Variants in ERLEC1 observed in about 807,000 individuals in gnomAD.
ERLEC1 encodes the protein ER lectin.
ERLEC1 carries 47 observed loss-of-function variants against 68.0 expected under a neutral mutation model. The ratio of observed to expected loss-of-function variants is 0.69; its 90% CI spans 0.55 to 0.88. ERLEC1 has a LOEUF of 0.88. Among genes scored for constraint, ERLEC1 ranks in the 40% least tolerant of loss-of-function variants. The pLI is 0.00. For synonymous variants in ERLEC1, 225 were observed against 203.2 expected, an observed-to-expected ratio of 1.11 and a Z score of -0.91; for missense variants, 567 against 583.8, an observed-to-expected ratio of 0.97 and a Z score of 0.30.
chr2:53,801,581 T>A lies in ERLEC1; in HGVS notation c.710T>A (p.Val237Asp). The A allele has an allele frequency of 6.2e-7, 1 of 1,614,102 alleles. No individual in the cohort carries two copies. The highest frequency in any genetic ancestry group is 8.5e-7 in the Non-Finnish European group (1 of 1,179,970). ...GTTACAACTTGTGAATATGAAGTTGTCATTTTGACACCACTCTTGTGCAGT... is the reference window on the plus strand; with the variant it reads ...GTTACAACTTGTGAATATGAAGTTGACATTTTGACACCACTCTTGTGCAGT... ...AEVTTCEYEV[V>D]ILTPLLCSHP... Residue 237 changes from valine to aspartate, a missense_variant, in exon 7 of 14, where the codon GTC becomes GAC. Val to Asp is a radical substitution (Grantham distance 152). Transcript: ENST00000185150.
chr2:53,813,009 G>A lies in ERLEC1; in HGVS notation c.1162G>A (p.Glu388Lys). The A allele has an allele frequency of 6.2e-7, 1 of 1,613,874 alleles. No individual in the cohort carries two copies. The highest frequency in any genetic ancestry group is 8.5e-7 in the Non-Finnish European group (1 of 1,179,954). The stretch of plus-strand genomic sequence containing the variant: ...GACATGGAACCAAGAAGAGCATATT[G>A]AATGGGCTAAGAAGAATACTGCTAG... Reference protein sequence around the residue: ...VGTWNQEEHIEWAKKNTARAY... With the variant: ...VGTWNQEEHIKWAKKNTARAY... The change falls in exon 11 of 14, where the codon GAA becomes AAA. Residue 388 changes from glutamate to lysine, a missense_variant. By Grantham distance (56) the Glu-to-Lys change is moderately conservative (BLOSUM62 1). Transcript: ENST00000185150.
chr2:53,790,434 G>T (rs1488242819), intron 1 of ERLEC1, among the ~76,000 whole-genome samples: 1 of 152,102 alleles, frequency 6.6e-6, no homozygotes, highest in Non-Finnish European at 1.5e-5. Flanking sequence ...ATATGCAGCT[G>T]TATGAAATAG....
rs1477016340 is a variant in ERLEC1, at chr2:53,806,077, G to A, written c.880-2222G>A. 5.9e-5 allele frequency among the ~76,000 whole-genome samples: 9 copies of A among 152,232 alleles called. No individual in the cohort carries two copies. The East Asian group carries it at 1.7e-3, about 29-fold the overall frequency. Reference sequence around the variant, plus strand: ...ATTTAGCATATGGTTTGCCTCTTTAGTGTGGGTCAGCCTTTCCCATACAGA... The same window carrying A: ...ATTTAGCATATGGTTTGCCTCTTTAATGTGGGTCAGCCTTTCCCATACAGA... On this transcript the variant is annotated intron_variant, in intron 8 of 13. Transcript: ENST00000185150.
chr2:53,808,583 C>G, intron 9 of ERLEC1, 123 bp downstream of exon 9: 1 of 910,368 alleles, frequency 1.1e-6, no homozygotes, highest in Non-Finnish European at 1.7e-6. Flanking sequence ...CCTTTCATCC[C>G]CAAAGAACAT....
chr2:53,811,688 C>CT (rs1676599287), intron 10 of ERLEC1, among the ~76,000 whole-genome samples: 1 of 152,134 alleles, frequency 6.6e-6, no homozygotes, highest in Admixed American at 6.6e-5. Context: ...GGTTCAATAA[C>CT]TTGCCTAAAG....
intron 13 of ERLEC1, among the ~76,000 whole-genome samples, chr2:53,815,606 T>G (rs972000608): frequency 6.6e-6 from 1 of 152,170 alleles, no homozygotes; most frequent in South Asian, 2.1e-4. Flanking sequence ...ATTTCTGATT[T>G]ATGACATTGT....
Position 53,801,759 on chromosome 2 carries a change from G to T in ERLEC1, c.796G>T (p.Gly266Ter). Reference sequence around the variant, plus strand: ...TGACATATTTTGTCAATCACTGCCAGGATCTCCATTTAAGCCCCTCACCCT... The same window carrying T: ...TGACATATTTTGTCAATCACTGCCATGATCTCCATTTAAGCCCCTCACCCT... Reference protein sequence around the residue: ...VNDIFCQSLPGSPFKPLTLRQ... With the variant: ...VNDIFCQSLP The change falls in exon 8 of 14, where the codon GGA (glycine) becomes TGA (stop). Residue 266 changes from glycine (G) to a stop codon, truncating the protein, a stop_gained. Transcript: ENST00000185150. LOFTEE classifies it high-confidence loss of function. 6.2e-7 allele frequency: 1 copy of T among 1,614,060 alleles called. No individual in the cohort carries two copies. The highest frequency in any genetic ancestry group is 8.5e-7 in the Non-Finnish European group (1 of 1,179,942).
At chr2:53,799,870 A>C (rs755511276) in intron 6 of ERLEC1, among the ~76,000 whole-genome samples, 5 of 152,178 alleles carry the variant, frequency 3.3e-5, no homozygotes, top group Non-Finnish European at 7.4e-5. Context: ...TTTTAATTTT[A>C]TAGACTACCT....
chr2:53,795,262 G>GT (rs1224321038), intron 2 of ERLEC1, among the ~76,000 whole-genome samples: 3 of 152,182 alleles, frequency 2.0e-5, no homozygotes, highest in African/African-American at 7.2e-5. Flanking sequence ...GGAGGCTGAG[G>GT]TATAGGCTAT....
At chr2:53,816,542 T>G (rs1215940125) in intron 13 of ERLEC1, among the ~76,000 whole-genome samples, 2 of 152,154 alleles carry the variant, frequency 1.3e-5, no homozygotes, top group Non-Finnish European at 2.9e-5. Context: ...TTGCTGGGAT[T>G]ATAGGTGTGA....
intron 5 of ERLEC1, 80 bp downstream of exon 5, chr2:53,797,875 T>TC: frequency 7.8e-7 from 1 of 1,281,802 alleles, no homozygotes; most frequent in Non-Finnish European, 1.1e-6. Flanking sequence ...TTACGAGATT[T>TC]TTTTTTTGGA....
At chr2:53,787,670 T>C (rs1675132053) in intron 1 of ERLEC1, 2 of 318,994 alleles carry the variant, frequency 6.3e-6, no homozygotes, top group Non-Finnish European at 1.1e-5. Context: ...TTTCGTAGAA[T>C]AACGTCAGGT....
chr2:53,797,019 G>A (rs1346643530), intron 3 of ERLEC1, among the ~76,000 whole-genome samples: 1 of 149,902 alleles, frequency 6.7e-6, no homozygotes. Flanking sequence ...AGCCTCCCAA[G>A]TAGCTAGGGT....
chr2:53,793,913 T>C (rs1675547781), intron 1 of ERLEC1, among the ~76,000 whole-genome samples: 1 of 152,214 alleles, frequency 6.6e-6, no homozygotes, highest in Non-Finnish European at 1.5e-5. Context: ...GAGGTCATTA[T>C]CTTAAGTGAA....
Position 53,800,061 on chromosome 2 carries a change from A to C in ERLEC1, c.525+980A>C, listed in dbSNP as rs574630036. Reference sequence around the variant, plus strand: ...AAAGCTAATGTTTAATTCTCCCAAAAACCTTTTAATACACAGTCATGAATC... The same window carrying C: ...AAAGCTAATGTTTAATTCTCCCAAACACCTTTTAATACACAGTCATGAATC... On this transcript the variant is annotated intron_variant, in intron 6 of 13. Coordinates refer to ENST00000185150, the MANE Select transcript of ERLEC1 (RefSeq NM_015701.5). 6.8e-4 allele frequency among the ~76,000 whole-genome samples: 104 copies of C among 152,214 alleles called. 1 individual carries two copies. The highest frequency in any genetic ancestry group is 2.5e-3 in the African/African-American group (102 of 41,562).
chr2:53,805,755 A>T (rs1676262546), intron 8 of ERLEC1, among the ~76,000 whole-genome samples: 1 of 152,224 alleles, frequency 6.6e-6, no homozygotes, highest in South Asian at 2.1e-4. Flanking sequence ...ACTAATTTAC[A>T]TTCCCACCAA....
At chr2:53,789,972 T>A (rs1283305564) in intron 1 of ERLEC1, among the ~76,000 whole-genome samples, 1 of 145,842 alleles carries the variant, frequency 6.9e-6, no homozygotes, top group Non-Finnish European at 1.5e-5. Context: ...TGATCCGAGA[T>A]CATGCCACTG....
chr2:53,816,128 T>G (rs535764898), intron 13 of ERLEC1, among the ~76,000 whole-genome samples: 6 of 152,290 alleles, frequency 3.9e-5, no homozygotes, highest in Admixed American at 2.0e-4. Context: ...CTACACAGGC[T>G]GGAATGCAGT....
intron 6 of ERLEC1, among the ~76,000 whole-genome samples, chr2:53,800,477 G>C (rs1004761997): frequency 3.9e-5 from 6 of 151,946 alleles, no homozygotes; most frequent in Non-Finnish European, 8.8e-5. Flanking sequence ...TTTGAACCCA[G>C]GATTTTCTAA....
Sources: gnomAD v4.1 joint callset for allele counts (sites outside exome capture counted in the v4.1 genomes callset) on GRCh38, gnomAD v4.1.1 for gene constraint, MANE v1.5 for transcripts, NCBI Gene and HGNC (gene_info 2026-07-23, HGNC 2026-07-21) for gene names.